Variants in PCDH15 observed in about 807,000 individuals in gnomAD.
PCDH15 encodes the protein protocadherin related 15.
Under a neutral mutation model 178.5 loss-of-function variants are expected in PCDH15, and 129 were observed. The observed-to-expected ratio is 0.72, with a 90% confidence interval of 0.63 to 0.84. The LOEUF (loss-of-function observed/expected upper bound fraction) is 0.84. Ranked by LOEUF, PCDH15 falls within the 40% of genes least tolerant of loss-of-function variation. The probability of loss-of-function intolerance (pLI) is 0.00; values close to 1 mark genes in which losing one functional copy is unlikely to be tolerated. For missense variants in PCDH15, 2,230 were observed against 2,099.9 expected (o/e 1.06, Z -1.21); for synonymous variants, 800 against 732.0 (o/e 1.09, Z -1.50).
intron 25 of PCDH15, among the ~76,000 whole-genome samples, chr10:53,904,863 T>C (rs1186435900): frequency 2.0e-5 from 3 of 152,242 alleles, no homozygotes; most frequent in African/African-American, 7.2e-5. Flanking sequence ...ATAACTTCTT[T>C]GCACTTTCAT....
intron 2 of PCDH15, among the ~76,000 whole-genome samples, chr10:55,127,842 A>T (rs1360444030): frequency 6.6e-6 from 1 of 152,018 alleles, no homozygotes; most frequent in Non-Finnish European, 1.5e-5. Context: ...CTGTTGTTTC[A>T]TTATACTTTC....
At chr10:53,843,415 C>A (rs910778145) in intron 28 of PCDH15, among the ~76,000 whole-genome samples, 2 of 151,186 alleles carry the variant, frequency 1.3e-5, no homozygotes, top group Admixed American at 1.3e-4. Context: ...ATACATATAC[C>A]CCCACACACA....
At chr10:54,392,468 C>CAAAAAAAAA (rs71007849) in intron 3 of PCDH15, among the ~76,000 whole-genome samples, 3 of 66,112 alleles carry the variant, frequency 4.5e-5, no homozygotes, top group Non-Finnish European at 7.6e-5. Flanking sequence ...GAGGCTGTCT[C>CAAAAAAAAA]AAAAAAAAAA....
chr10:55,534,993 G>A (rs1163157411), intron 2 of PCDH15, among the ~76,000 whole-genome samples: 1 of 151,882 alleles, frequency 6.6e-6, no homozygotes, highest in African/African-American at 2.4e-5. Context: ...TTTATAAGTG[G>A]GAGCTAAACA....
chr10:53,923,029 G>T (rs2084138757), intron 25 of PCDH15, among the ~76,000 whole-genome samples: 2 of 152,168 alleles, frequency 1.3e-5, no homozygotes, highest in Non-Finnish European at 2.9e-5. Context: ...GGAGTTTGCA[G>T]TGAGCCAAGA....
chr10:53,975,407 A>G (rs1174175680), intron 21 of PCDH15, among the ~76,000 whole-genome samples: 2 of 152,146 alleles, frequency 1.3e-5, no homozygotes, highest in African/African-American at 2.4e-5. Flanking sequence ...CCAACAATGA[A>G]TAAGTGTTTT....
intron 15 of PCDH15, among the ~76,000 whole-genome samples, chr10:54,120,100 G>A (rs957753865): frequency 1.3e-5 from 2 of 152,114 alleles, no homozygotes; most frequent in African/African-American, 4.8e-5. Flanking sequence ...AGGGGAGCCT[G>A]GGGATCTATT....
At chr10:55,502,610 C>T (rs1395663938) in intron 2 of PCDH15, among the ~76,000 whole-genome samples, 2 of 151,500 alleles carry the variant, frequency 1.3e-5, no homozygotes, top group African/African-American at 2.4e-5. Context: ...AACAGTCAGT[C>T]GGTATTTTCT....
intron 10 of PCDH15, among the ~76,000 whole-genome samples, chr10:54,200,378 A>T (rs950536001): frequency 6.6e-6 from 1 of 151,248 alleles, no homozygotes; most frequent in African/African-American, 2.4e-5. Flanking sequence ...GTGCCCATCA[A>T]CCAGTCATCT....
intron 3 of PCDH15, among the ~76,000 whole-genome samples, chr10:54,466,619 C>A (rs1330252738): frequency 6.6e-6 from 1 of 151,766 alleles, no homozygotes; most frequent in African/African-American, 2.4e-5. Context: ...GTGGTGACTC[C>A]AGTTTTGTTC....
rs150785471 is a variant in PCDH15, at chr10:55,259,342, C to G, written c.-156+60257G>C. 1.6e-4 allele frequency among the ~76,000 whole-genome samples: 24 copies of G among 152,132 alleles called. No individual in the cohort carries two copies. In the East Asian group the frequency reaches 4.4e-3, roughly 28 times the overall value. ...AATTAAAAAAATTATAGACTGATCC[C>G]CAGTCTTGGAAAGGGAAAAGAAAAT... On this transcript the variant is annotated intron_variant, in intron 1 of 5. Transcript: ENST00000458638.
Position 54,393,097 on chromosome 10 carries a change from G to A in PCDH15, c.158-14155C>T, listed in dbSNP as rs569369067. On this transcript the variant is annotated intron_variant, in intron 3 of 37. Coordinates refer to ENST00000644397, the MANE Select transcript of PCDH15 (RefSeq NM_001384140.1). ...GAATTTAGATTCAAGCACTTTGCAA[G>A]CCTGTTTTAATCTCTATGCTTAAAA... 1.6e-4 allele frequency among the ~76,000 whole-genome samples: 25 copies of A among 152,102 alleles called. No individual in the cohort carries two copies. The South Asian group carries it at 5.2e-3, about 32-fold the overall frequency.
chr10:55,615,516 C>T (rs908568545), intron 2 of PCDH15, among the ~76,000 whole-genome samples: 15 of 152,014 alleles, frequency 9.9e-5, no homozygotes, highest in East Asian at 9.7e-4. Flanking sequence ...ATATTGTATA[C>T]GAGCACCCTC....
intron 6 of PCDH15, among the ~76,000 whole-genome samples, chr10:54,335,522 T>C (rs1434509211): frequency 6.6e-6 from 1 of 152,168 alleles, no homozygotes; most frequent in Non-Finnish European, 1.5e-5. Flanking sequence ...AATTGAATCA[T>C]GGCATTTCCC....
chr10:54,714,996 G>A (rs2095463399), intron 1 of PCDH15, among the ~76,000 whole-genome samples: 2 of 152,010 alleles, frequency 1.3e-5, no homozygotes, highest in African/African-American at 4.8e-5. Flanking sequence ...CTGTTTTCAT[G>A]ATTAAGCTAA....
In PCDH15 at chr10:55,468,676, T is replaced by G. The variant is rs1839891679; in HGVS notation, c.-156+158949A>C. Among the ~76,000 whole-genome samples the G allele has an allele frequency of 2.0e-5, 3 of 152,344 alleles. 1 individual carries two copies. In the Middle Eastern group the frequency reaches 0.01, roughly 518 times the overall value. On this transcript the variant is annotated intron_variant, in intron 2 of 5. Coordinates refer to the PCDH15 transcript ENST00000613346. ...TACAGATTTTGTCTAAGGTTTAGTC[T>G]TTAGTGATAACATAATAAAACACCT...
intron 1 of PCDH15, among the ~76,000 whole-genome samples, chr10:54,753,976 T>C (rs1355828883): frequency 7.4e-5 from 1 of 13,482 alleles, no homozygotes; most frequent in African/African-American, 2.9e-4. Flanking sequence ...GGCCGGCTGA[T>C]TTTTTTTTTT....
intron 2 of PCDH15, among the ~76,000 whole-genome samples, chr10:54,579,036 G>A (rs966839550): frequency 1.3e-4 from 19 of 151,912 alleles, no homozygotes; most frequent in South Asian, 1.2e-3. Context: ...CTGCCACCAC[G>A]AGAACACAAT....
chr10:54,390,454 G>A (rs1244431354), intron 3 of PCDH15, among the ~76,000 whole-genome samples: 2 of 151,942 alleles, frequency 1.3e-5, no homozygotes, highest in Non-Finnish European at 2.9e-5. Flanking sequence ...CACCACGCCC[G>A]GCTAATTTTT....
Sources: gnomAD v4.1 joint callset for allele counts (sites outside exome capture counted in the v4.1 genomes callset) on GRCh38, gnomAD v4.1.1 for gene constraint, MANE v1.5 for transcripts, NCBI Gene and HGNC (gene_info 2026-07-23, HGNC 2026-07-21) for gene names.